Variants in OXR1 observed in about 807,000 individuals in gnomAD.
OXR1 encodes the protein oxidation resistance 1, also known as oxidation resistance protein 1.
OXR1 carries 41 observed loss-of-function variants against 104.6 expected under a neutral mutation model. The observed-to-expected ratio is 0.39, with a 90% confidence interval of 0.31 to 0.51. The LOEUF (loss-of-function observed/expected upper bound fraction) is 0.51. Ranked by LOEUF, OXR1 falls within the 20% of genes least tolerant of loss-of-function variation. The pLI is 0.77. For synonymous variants in OXR1, 348 were observed against 348.4 expected (o/e 1.00, Z 0.01); for missense variants, 955 against 1,031.9 (o/e 0.93, Z 1.02).
rs1222540443 is a variant in OXR1, at chr8:106,679,268, A to G, written c.279A>G (p.Lys93=). Residue 93 remains lysine, a synonymous_variant, in exon 4 of 17, where the codon AAA becomes AAG. Coordinates refer to ENST00000517566, the MANE Select transcript of OXR1 (RefSeq NM_001198533.2). ...KKDGRRMSFQ[K]PKGTIEYTVE... ...ATGGAAGACGAATGTCTTTTCAGAA[A>G]CCTAAAGGGACTATTGAGTATACTG... 2.5e-6 allele frequency: 4 copies of G among 1,601,000 alleles called. No individual in the cohort carries two copies. The highest frequency in any genetic ancestry group is 1.1e-5 in the South Asian group (1 of 90,656).
At chr8:106,660,748 C>T (rs1442232479) in intron 3 of OXR1, among the ~76,000 whole-genome samples, 1 of 152,108 alleles carries the variant, frequency 6.6e-6, no homozygotes, top group African/African-American at 2.4e-5. Flanking sequence ...TGCGGTGGCT[C>T]ACGTCGGTAA....
chr8:106,594,047 C>T (rs931017831), intron 3 of OXR1, among the ~76,000 whole-genome samples: 15 of 152,212 alleles, frequency 9.9e-5, no homozygotes, highest in Non-Finnish European at 2.1e-4. Flanking sequence ...TGTTAGGACA[C>T]TGCAGTGCAC....
intron 3 of OXR1, among the ~76,000 whole-genome samples, chr8:106,541,560 C>A (rs917803130): frequency 6.6e-6 from 1 of 152,160 alleles, no homozygotes; most frequent in African/African-American, 2.4e-5. Flanking sequence ...ATCATAAAAC[C>A]ATATCTACCC....
At chr8:106,502,700 T>A (rs977002020) in intron 2 of OXR1, among the ~76,000 whole-genome samples, 1 of 152,230 alleles carries the variant, frequency 6.6e-6, no homozygotes, top group Non-Finnish European at 1.5e-5. Context: ...TTAAAGTACC[T>A]TCTGTAAAAG....
chr8:106,648,355 G>A lies in OXR1; in HGVS notation c.221-30855G>A, dbSNP rs192556698. On this transcript the variant is annotated intron_variant, in intron 3 of 16. Coordinates refer to ENST00000517566, the MANE Select transcript of OXR1 (RefSeq NM_001198533.2). Reference sequence around the variant, plus strand: ...ATCAAAGAATAGTCCCCTTAAAATAGGAATCATTTAATTCATCTAACAATT... The same window carrying A: ...ATCAAAGAATAGTCCCCTTAAAATAAGAATCATTTAATTCATCTAACAATT... Among the ~76,000 whole-genome samples the A allele has an allele frequency of 6.6e-5, 10 of 152,112 alleles. No individual in the cohort carries two copies. In the East Asian group the frequency reaches 1.9e-3, roughly 29 times the overall value.
chr8:106,516,705 G>A (rs1812885871), intron 2 of OXR1, among the ~76,000 whole-genome samples: 1 of 152,206 alleles, frequency 6.6e-6, no homozygotes, highest in South Asian at 2.1e-4. Context: ...AATGAATACA[G>A]TAGTACCACC....
chr8:106,448,149 G>C lies in OXR1; in HGVS notation c.24-70794G>C, dbSNP rs572895337. 10 of 1,331,854 alleles carry C rather than the reference G, an allele frequency of 7.5e-6. No homozygotes were observed. The East Asian group carries it at 2.0e-4, about 27-fold the overall frequency. The allele number at this position is 1,331,854 out of a possible 1,614,324, so 82.5% of individuals were successfully genotyped here. On this transcript the variant is annotated intron_variant, in intron 2 of 16. Coordinates refer to ENST00000517566, the MANE Select transcript of OXR1 (RefSeq NM_001198533.2). ...AAATAGCTCTCTGATTTCTGTGCAA[G>C]TGAGAAATCAAATCTTTGTGTTTAT...
chr8:106,706,082 T>C (rs917938388), intron 8 of OXR1, among the ~76,000 whole-genome samples: 2 of 152,144 alleles, frequency 1.3e-5, no homozygotes, highest in South Asian at 2.1e-4. Context: ...CCAGGGTTTA[T>C]GTCATCAAGT....
chr8:106,583,502 A>T (rs1247332393), intron 3 of OXR1, among the ~76,000 whole-genome samples: 1 of 152,180 alleles, frequency 6.6e-6, no homozygotes, highest in Non-Finnish European at 1.5e-5. Flanking sequence ...TGGCGGATTA[A>T]ATGCAACCAT....
At chr8:106,527,468 T>G (rs1813771486) in intron 3 of OXR1, among the ~76,000 whole-genome samples, 1 of 152,114 alleles carries the variant, frequency 6.6e-6, no homozygotes, top group Non-Finnish European at 1.5e-5. Flanking sequence ...ATTGCAGACC[T>G]CAGCCCTACA....
intron 2 of OXR1, among the ~76,000 whole-genome samples, chr8:106,468,076 C>T (rs1821276020): frequency 6.6e-6 from 1 of 151,656 alleles, no homozygotes; most frequent in Non-Finnish European, 1.5e-5. Flanking sequence ...GACAGGAAGA[C>T]AGGAAGATAA....
chr8:106,648,172 T>C (rs1303515933), intron 3 of OXR1, among the ~76,000 whole-genome samples: 1 of 152,236 alleles, frequency 6.6e-6, no homozygotes, highest in African/African-American at 2.4e-5. Flanking sequence ...GAAAAACCAT[T>C]TCATGTCATC....
At chr8:106,738,738 A>T (rs1225288832) in intron 12 of OXR1, among the ~76,000 whole-genome samples, 1 of 119,152 alleles carries the variant, frequency 8.4e-6, no homozygotes, top group Non-Finnish European at 1.7e-5. Flanking sequence ...TAAGAATACC[A>T]GTGAAATCAT....
At chr8:106,536,728 A>C (rs1355118097) in intron 3 of OXR1, among the ~76,000 whole-genome samples, 1 of 152,214 alleles carries the variant, frequency 6.6e-6, no homozygotes, top group Non-Finnish European at 1.5e-5. Flanking sequence ...AATAATCTGC[A>C]AACATGATAG....
chr8:106,622,824 AT>A (rs1821835494), intron 3 of OXR1, among the ~76,000 whole-genome samples: 1 of 152,206 alleles, frequency 6.6e-6, no homozygotes, highest in Non-Finnish European at 1.5e-5. Context: ...TACAAACATT[AT>A]AAAAAATGAA....
chr8:106,301,734 G>A (rs1475645442), intron 1 of OXR1, among the ~76,000 whole-genome samples: 1 of 152,174 alleles, frequency 6.6e-6, no homozygotes, highest in African/African-American at 2.4e-5. Context: ...AAAGGTAAGT[G>A]AATAATGGTA....
At chr8:106,434,179 T>C (rs1434293189) in intron 2 of OXR1, among the ~76,000 whole-genome samples, 1 of 152,180 alleles carries the variant, frequency 6.6e-6, no homozygotes, top group African/African-American at 2.4e-5. Context: ...CATGATTAAA[T>C]TATTTGTTCT....
chr8:106,347,690 T>C (rs1475800338), intron 1 of OXR1, among the ~76,000 whole-genome samples: 1 of 152,198 alleles, frequency 6.6e-6, no homozygotes, highest in Non-Finnish European at 1.5e-5. Flanking sequence ...TTTGCTTTTG[T>C]ACTTTTTCTA....
rs563780312 is a variant in OXR1 at position 106,381,007 on chromosome 8, C to T, written c.23+21371C>T. Among the ~76,000 whole-genome samples the T allele has an allele frequency of 4.5e-4, 68 of 152,078 alleles. No homozygotes were observed. The South Asian group carries it at 6.8e-3, about 15-fold the overall frequency. On this transcript the variant is annotated intron_variant, in intron 2 of 16. Coordinates refer to ENST00000517566, the MANE Select transcript of OXR1 (RefSeq NM_001198533.2). ...CACAGGGTAGCAGTGGGCATTAGTA[C>T]GACAATTCAACACCAAATCTACCTA...
Sources: allele counts gnomAD v4.1 joint callset (sites outside exome capture counted in the v4.1 genomes callset), GRCh38; gene constraint gnomAD v4.1.1; transcripts MANE v1.5; gene names NCBI Gene and HGNC (gene_info 2026-07-23, HGNC 2026-07-21).